The following ZBBX variants were observed in gnomAD, a reference collection of about 807,000 sequenced individuals.
ZBBX encodes the protein zinc finger B-box domain-containing protein 1.
ZBBX carries 101 observed loss-of-function variants against 108.5 expected under a neutral mutation model. The observed-to-expected ratio is 0.93, with a 90% CI of 0.79 to 1.10. ZBBX has a LOEUF of 1.10. ZBBX is among the 50% of genes least tolerant of loss of function. The pLI is 0.00. For synonymous variants in ZBBX, 356 were observed against 323.4 expected (o/e 1.10, Z -1.08); for missense variants, 1,009 against 941.4 (o/e 1.07, Z -0.94).
At chr3:167,306,058 T>G in intron 16 of ZBBX, 108 bp from the exon 17 acceptor site, 1 of 840,352 alleles carries the variant, frequency 1.2e-6, no homozygotes, top group Non-Finnish European at 1.7e-6. Context: ...CAATAAACAC[T>G]ATTTCACAAA....
chr3:167,393,433 T>C (rs7613614), intron 1 of ZBBX, among the ~76,000 whole-genome samples: 204 of 152,056 alleles, frequency 1.3e-3, no homozygotes, highest in African/African-American at 4.6e-3. Flanking sequence ...TTCATTTTTA[T>C]TGATTTTATC....
chr3:167,286,096 C>T (rs1343207536), intron 19 of ZBBX, among the ~76,000 whole-genome samples: 2 of 152,026 alleles, frequency 1.3e-5, no homozygotes, highest in African/African-American at 4.8e-5. Context: ...GAGGTAGCAT[C>T]TGGACTGAAG....
chr3:167,380,863 T>C (rs1747657635), upstream of ZBBX, among the ~76,000 whole-genome samples: 1 of 95,274 alleles, frequency 1.0e-5, no homozygotes, highest in African/African-American at 4.0e-5. Flanking sequence ...AAAGCAAATA[T>C]ATGCACACAC....
intron 9 of ZBBX, among the ~76,000 whole-genome samples, chr3:167,346,513 C>T (rs544552127): frequency 1.3e-5 from 2 of 152,008 alleles, no homozygotes; most frequent in South Asian, 4.1e-4. Flanking sequence ...TCAAATTTGG[C>T]TACACTTTAT....
At chr3:167,214,190 A>G in the ZBBX span, among the ~76,000 whole-genome samples, 1 of 152,278 alleles carries the variant, frequency 6.6e-6, no homozygotes, top group East Asian at 1.9e-4. Context: ...TAAATGCACT[A>G]AATGCCCCAC....
intron 16 of ZBBX, among the ~76,000 whole-genome samples, chr3:167,307,533 C>A (rs1333281773): frequency 6.6e-6 from 1 of 152,068 alleles, no homozygotes; most frequent in East Asian, 1.9e-4. Flanking sequence ...GCAAAAAGAG[C>A]AAAACTGGAG....
At chr3:167,382,735 T>TA (rs1392604439), upstream of ZBBX, among the ~76,000 whole-genome samples, 2 of 151,842 alleles carry the variant, frequency 1.3e-5, no homozygotes, top group Admixed American at 6.6e-5. Flanking sequence ...CATGATTTTC[T>TA]AAAAAAAAGT....
intron 1 of ZBBX, among the ~76,000 whole-genome samples, chr3:167,396,362 A>G (rs1748235533): frequency 6.6e-6 from 1 of 151,526 alleles, no homozygotes; most frequent in South Asian, 2.1e-4. Context: ...ATGCTGTGCA[A>G]CTCCTAGGGG....
chr3:167,337,282 C>T (rs1055092878), intron 9 of ZBBX, among the ~76,000 whole-genome samples: 1 of 151,974 alleles, frequency 6.6e-6, no homozygotes, highest in Non-Finnish European at 1.5e-5. Flanking sequence ...CTTTGTGAGG[C>T]CGAGGTGGGA....
the ZBBX span, among the ~76,000 whole-genome samples, chr3:167,182,475 A>C: frequency 6.6e-6 from 1 of 152,226 alleles, no homozygotes; most frequent in Non-Finnish European, 1.5e-5. Flanking sequence ...ACAGCACTAA[A>C]GGAAGGGTAT....
chr3:167,330,966 C>CTCTCTCTCTCTCTCTCT (rs1738499559), intron 10 of ZBBX, among the ~76,000 whole-genome samples: 9 of 18,762 alleles, frequency 4.8e-4, no homozygotes, highest in South Asian at 2.0e-3. Flanking sequence ...TCTCTCTCTC[C>CTCTCTCTCTCTCTCTCT]CCCACTCCCC....
the ZBBX span, among the ~76,000 whole-genome samples, chr3:167,231,972 C>A: frequency 6.6e-6 from 1 of 151,600 alleles, no homozygotes; most frequent in African/African-American, 2.4e-5. Context: ...CTTCTACTTT[C>A]CAGAGAAGAA....
At chr3:167,390,065 C>A (rs1748042581) in intron 1 of ZBBX, among the ~76,000 whole-genome samples, 1 of 151,996 alleles carries the variant, frequency 6.6e-6, no homozygotes, top group Non-Finnish European at 1.5e-5. Context: ...ATGGTACTGC[C>A]TAGGTTTCTT....
the ZBBX span, among the ~76,000 whole-genome samples, chr3:167,191,929 A>ATATATG: frequency 7.2e-6 from 1 of 138,532 alleles, no homozygotes; most frequent in African/African-American, 2.8e-5. Context: ...ATATATATAT[A>ATATATG]TATATAGAGC....
chr3:167,287,785 G>A (rs1010991450), intron 19 of ZBBX, among the ~76,000 whole-genome samples: 2 of 151,982 alleles, frequency 1.3e-5, no homozygotes, highest in Admixed American at 6.6e-5. Flanking sequence ...TGTAAAAATA[G>A]GCATCTAAGT....
At chr3:167,327,090 T>C (rs1737524333) in intron 11 of ZBBX, among the ~76,000 whole-genome samples, 1 of 151,190 alleles carries the variant, frequency 6.6e-6, no homozygotes. Flanking sequence ...TTCAACATAC[T>C]GTTCAGTCAT....
At chr3:167,189,411 T>G in the ZBBX span, among the ~76,000 whole-genome samples, 1 of 152,162 alleles carries the variant, frequency 6.6e-6, no homozygotes, top group Non-Finnish European at 1.5e-5. Flanking sequence ...CCAGAACAAG[T>G]GTGTGGTGCT....
intron 20 of ZBBX, among the ~76,000 whole-genome samples, chr3:167,254,564 G>A: frequency 6.6e-6 from 1 of 151,778 alleles, no homozygotes; most frequent in South Asian, 2.1e-4. Context: ...AAATACAAAG[G>A]GAAATTAAAA....
chr3:167,405,503 T>C (rs560577773), intron 1 of ZBBX, among the ~76,000 whole-genome samples: 11 of 152,178 alleles, frequency 7.2e-5, no homozygotes, highest in Non-Finnish European at 1.6e-4. Flanking sequence ...TCATTACATT[T>C]GGTGAACAAA....
Sources: gnomAD v4.1 joint callset for allele counts (sites outside exome capture counted in the v4.1 genomes callset) on GRCh38, gnomAD v4.1.1 for gene constraint, MANE v1.5 for transcripts, NCBI Gene and HGNC (gene_info 2026-07-23, HGNC 2026-07-21) for gene names.